The following DAB2IP variants were observed in gnomAD, a reference collection of about 807,000 sequenced individuals.
DAB2IP encodes the protein DAB2 interacting protein.
Under a neutral mutation model 107.2 loss-of-function variants are expected in DAB2IP, and 28 were observed. The ratio of observed to expected loss-of-function variants is 0.26; its 90% CI spans 0.19 to 0.36. The LOEUF is 0.36. DAB2IP is among the 10% of genes least tolerant of loss of function. The probability of loss-of-function intolerance (pLI) is 1.00; values close to 1 mark genes in which losing one functional copy is unlikely to be tolerated. For synonymous variants in DAB2IP, 755 were observed against 706.4 expected (o/e 1.07, Z -1.09); for missense variants, 1,400 against 1,644.7 (o/e 0.85, Z 2.57).
At chr9:121,742,693 G>T (rs1258139739) in intron 3 of DAB2IP, 2 of 975,048 alleles carry the variant, frequency 2.1e-6, no homozygotes, top group South Asian at 4.7e-5. Context: ...AAGGACGGTT[G>T]CCCCCATCTG....
chr9:121,779,051 C>T (rs928593432), intron 14 of DAB2IP, among the ~76,000 whole-genome samples: 1 of 152,150 alleles, frequency 6.6e-6, no homozygotes, highest in African/African-American at 2.4e-5. Context: ...CCGTATCTCA[C>T]TGATGCTCTG....
chr9:121,606,305 A>G (rs776288533), intron 1 of DAB2IP, among the ~76,000 whole-genome samples: 14 of 152,220 alleles, frequency 9.2e-5, no homozygotes, highest in Non-Finnish European at 1.9e-4. Flanking sequence ...TGGAGGTTGC[A>G]GTGACCTGAG....
rs1427394195 is a variant in DAB2IP at position 121,760,397 on chromosome 9, A to G, written c.1128A>G (p.Ala376=). The G allele has an allele frequency of 6.2e-7, 1 of 1,608,914 alleles. No individual in the cohort carries two copies. ...GTGCCAAGACCAAGGAGGAGATGGC[A>G]TCTGCCCTGGTGCACATCCTGCAGA... Residue 376 remains alanine, a synonymous_variant, in exon 6 of 16, where the codon GCA becomes GCG. Transcript: ENST00000408936. The surrounding 1 kb of genome is among the most constrained non-coding windows in gnomAD (Gnocchi z 5.9).
intron 1 of DAB2IP, among the ~76,000 whole-genome samples, chr9:121,609,948 C>G (rs753498078): frequency 6.6e-6 from 1 of 152,224 alleles, no homozygotes; most frequent in African/African-American, 2.4e-5. Context: ...AGAGAGGGCT[C>G]CTGGCGTCGG....
chr9:121,611,488 C>T (rs530240254), intron 1 of DAB2IP, among the ~76,000 whole-genome samples: 16 of 152,290 alleles, frequency 1.1e-4, no homozygotes, highest in African/African-American at 3.9e-4. Context: ...AGCTGTTTGA[C>T]CTTGGACAAA....
chr9:121,612,767 G>C (rs371610710), intron 1 of DAB2IP, among the ~76,000 whole-genome samples: 22 of 152,268 alleles, frequency 1.4e-4, no homozygotes, highest in African/African-American at 5.3e-4. Flanking sequence ...CGTGTTGGTG[G>C]GGGGAGGTAA....
chr9:121,608,075 G>A (rs960686114), intron 1 of DAB2IP, among the ~76,000 whole-genome samples: 1 of 152,262 alleles, frequency 6.6e-6, no homozygotes, highest in East Asian at 1.9e-4. Context: ...TCTGCAGGGT[G>A]TGTGAGAGAT....
rs1589594349 is a variant in DAB2IP at position 121,728,558 on chromosome 9, C to G, written c.363-28455C>G. Among the ~76,000 whole-genome samples, 3 of 152,260 alleles carry G rather than the reference C, an allele frequency of 2.0e-5. 1 individual carries two copies. The South Asian group carries it at 6.2e-4, about 32-fold the overall frequency. The stretch of plus-strand genomic sequence containing the variant: ...TTATTAATGCTACTGAGATCCTGTT[C>G]TCAGATACAGGGCCTGCTCCATGCC... On this transcript the variant is annotated intron_variant, in intron 3 of 15. Coordinates refer to ENST00000408936, the Ensembl canonical transcript of DAB2IP.
In DAB2IP at chr9:121,662,409, AAAAGTCAG is replaced by A. The variant is rs1833247552; in HGVS notation, c.124+10513_124+10520del. 6.6e-6 allele frequency among the ~76,000 whole-genome samples: 1 copy of A among 152,244 alleles called. No individual in the cohort carries two copies. The highest frequency in any genetic ancestry group is 6.5e-5 in the Admixed American group (1 of 15,288). The stretch of plus-strand genomic sequence containing the variant: ...TTTACATTTTTAAAGGGTTGGAACA[AAAAGTCAG>A]AAGAAGGAGAACATAGGGAGTTATA... On this transcript the variant is annotated intron_variant, in intron 1 of 15. Coordinates refer to ENST00000408936, the Ensembl canonical transcript of DAB2IP. The surrounding 1 kb of genome is among the most constrained non-coding windows in gnomAD (Gnocchi z 4.6).
In DAB2IP at chr9:121,651,849, G is replaced by T. The variant is rs955353647; in HGVS notation, c.74G>T (p.Arg25Leu). The T allele has an allele frequency of 1.0e-5, 15 of 1,464,132 alleles. No individual in the cohort carries two copies. Among genetic ancestry groups the T allele is most frequent in the African/African-American group, 4.3e-5 (3 of 69,238 alleles). The allele number at this position is 1,464,132 out of a possible 1,614,324, so 90.7% of individuals were successfully genotyped here. ...TACTACCGGCTGCTGAGGCGGCCCC[G>T]GCTGCAGCGACAGAGGAGCCGCTCC... The change falls in exon 1 of 16, where the codon CGG (arginine) becomes CTG (leucine). Residue 25 changes from arginine (R) to leucine (L), a missense_variant. This residue lies in a region of DAB2IP where 283 missense variants were observed against 237.0 expected (regional missense o/e 1.19). Transcript: ENST00000408936. This position sits in a 1 kb window ranked among gnomAD's most constrained non-coding sequence, Gnocchi z 5.1.
At chr9:121,725,175 A>ATG (rs375903175) in intron 3 of DAB2IP, among the ~76,000 whole-genome samples, 4 of 151,930 alleles carry the variant, frequency 2.6e-5, no homozygotes, top group African/African-American at 7.2e-5. Context: ...GCGCGTGTGT[A>ATG]TGTGTGTGTG....
Position 121,745,147 on chromosome 9 carries a change from CT to C in DAB2IP, c.363-11865del, listed in dbSNP as rs1832636875. Among the ~76,000 whole-genome samples the C allele has an allele frequency of 2.6e-5, 4 of 152,298 alleles. No homozygotes were observed. The South Asian group carries it at 8.3e-4, about 32-fold the overall frequency. ...CTGACACACTGGCCTTGGGAAGCCC[CT>C]GGAGGTGTCAGAGCCTCATTCTTTG... is the stretch of plus-strand genomic sequence containing the variant. On this transcript the variant is annotated intron_variant, in intron 3 of 15. Coordinates refer to ENST00000408936, the Ensembl canonical transcript of DAB2IP.
At chr9:121,709,302 G>T (rs1589557628) in intron 3 of DAB2IP, among the ~76,000 whole-genome samples, 2 of 152,274 alleles carry the variant, frequency 1.3e-5, no homozygotes, top group South Asian at 4.1e-4. Context: ...CGGGGCGGGG[G>T]ACGGAGATGC....
chr9:121,776,517 G>C lies in DAB2IP; in HGVS notation c.3314+126G>C. On this transcript the variant is annotated intron_variant, in intron 14 of 15. Coordinates refer to ENST00000408936, the Ensembl canonical transcript of DAB2IP. This position sits in a 1 kb window ranked among gnomAD's most constrained non-coding sequence, Gnocchi z 5.4. Reference sequence around the variant, plus strand: ...CTGAATGTGGAGAGAGGAGGGAAGAGAGTGTCTGGGCAGTGGGAGCAGCGT... The same window carrying C: ...CTGAATGTGGAGAGAGGAGGGAAGACAGTGTCTGGGCAGTGGGAGCAGCGT... The C allele has an allele frequency of 8.8e-7, 1 of 1,136,150 alleles. No individual in the cohort carries two copies. The allele number at this position is 1,136,150 out of a possible 1,614,324, so 70.4% of individuals were successfully genotyped here.
At chr9:121,765,472 G>A (rs978270805) in intron 8 of DAB2IP, among the ~76,000 whole-genome samples, 1 of 152,334 alleles carries the variant, frequency 6.6e-6, no homozygotes, top group South Asian at 2.1e-4. Context: ...AGCCTGCTGA[G>A]CAGGCTGCTG....
chr9:121,659,196 A>C lies in DAB2IP; in HGVS notation c.124+7297A>C, dbSNP rs144667259. 4.8e-3 allele frequency among the ~76,000 whole-genome samples: 735 copies of C among 151,692 alleles called. 7 individuals are homozygous for C. The highest frequency in any genetic ancestry group is 0.016 in the African/African-American group (672 of 41,356). On this transcript the variant is annotated intron_variant, in intron 1 of 15. Transcript: ENST00000408936. The stretch of plus-strand genomic sequence containing the variant: ...CAAGGGTGCTGGGCAGTCGGAGATG[A>C]CTCCTTCCTACTGTCCTGCTTGGCA...
exon 9 of DAB2IP, chr9:121,766,716 G>T (rs978619223): frequency 6.2e-7 from 1 of 1,613,852 alleles, no homozygotes; most frequent in Non-Finnish European, 8.5e-7. Context: ...CCCAGAACCT[G>T]GCCAACTTTG....
chr9:121,583,880 T>C (rs890560141), intron 1 of DAB2IP, among the ~76,000 whole-genome samples: 1 of 152,060 alleles, frequency 6.6e-6, no homozygotes, highest in Non-Finnish European at 1.5e-5. Flanking sequence ...CCAGATCCAA[T>C]AGAATACAAA....
At chr9:121,661,114 T>C (rs1452456301) in intron 1 of DAB2IP, among the ~76,000 whole-genome samples, 1 of 152,070 alleles carries the variant, frequency 6.6e-6, no homozygotes, top group Non-Finnish European at 1.5e-5. Context: ...CGGCAGGCTG[T>C]GGACATGGCT....
Sources: allele counts gnomAD v4.1 joint callset (sites outside exome capture counted in the v4.1 genomes callset), GRCh38; gene constraint gnomAD v4.1.1; regional missense constraint gnomAD v4.1.1; non-coding constraint Gnocchi (gnomAD v3.1); transcripts MANE v1.5; gene names NCBI Gene and HGNC (gene_info 2026-07-23, HGNC 2026-07-21).